SNX4: variants seen among roughly 807,000 people sequenced by gnomAD.
SNX4 encodes the protein sorting nexin-4.
In SNX4, 49 loss-of-function variants were observed where a neutral mutation model predicts 70.8. The ratio of observed to expected loss-of-function variants is 0.69; its 90% confidence interval spans 0.55 to 0.88. The LOEUF (loss-of-function observed/expected upper bound fraction) is 0.88. Ranked by LOEUF, SNX4 falls within the 40% of genes least tolerant of loss-of-function variation. The pLI, the probability that SNX4 is intolerant of heterozygous loss-of-function variation, is 0.00. For synonymous variants in SNX4, 206 were observed against 183.8 expected, an observed-to-expected ratio of 1.12 and a Z score of -0.98; for missense variants, 528 against 544.8, an observed-to-expected ratio of 0.97 and a Z score of 0.31.
chr3:125,459,781 T>C (rs1224454466), intron 10 of SNX4, among the ~76,000 whole-genome samples: 1 of 152,136 alleles, frequency 6.6e-6, no homozygotes, highest in African/African-American at 2.4e-5. Flanking sequence ...TGGTGAGACT[T>C]CCTACTACTC....
intron 7 of SNX4, among the ~76,000 whole-genome samples, chr3:125,478,720 A>T (rs1934340727): frequency 6.6e-6 from 1 of 152,026 alleles, no homozygotes; most frequent in Non-Finnish European, 1.5e-5. Context: ...ATGGAAGAAA[A>T]GAGAAGTTGC....
chr3:125,488,571 A>C (rs978774445), intron 6 of SNX4, among the ~76,000 whole-genome samples: 5 of 152,196 alleles, frequency 3.3e-5, no homozygotes, highest in Non-Finnish European at 5.9e-5. Context: ...TATATTCAAA[A>C]TTTATATGAA....
At chr3:125,501,129 T>C (rs923337817) in intron 2 of SNX4, among the ~76,000 whole-genome samples, 1 of 152,112 alleles carries the variant, frequency 6.6e-6, no homozygotes, top group African/African-American at 2.4e-5. Flanking sequence ...ATGATTGCGG[T>C]TGATGAAGGT....
At chr3:125,517,655 G>A (rs972687726) in intron 1 of SNX4, among the ~76,000 whole-genome samples, 3 of 152,196 alleles carry the variant, frequency 2.0e-5, no homozygotes, top group African/African-American at 7.2e-5. Context: ...GCCTCTTTAT[G>A]AATTACTAAA....
At chr3:125,479,492 T>G (rs961578872) in intron 7 of SNX4, among the ~76,000 whole-genome samples, 4 of 151,808 alleles carry the variant, frequency 2.6e-5, no homozygotes, top group Non-Finnish European at 5.9e-5. Flanking sequence ...GAGGTGGAGG[T>G]TGCAGTGAGC....
chr3:125,515,709 A>G (rs1394108478), intron 1 of SNX4, among the ~76,000 whole-genome samples: 1 of 150,594 alleles, frequency 6.6e-6, no homozygotes, highest in Non-Finnish European at 1.5e-5. Flanking sequence ...ACTGTGAATC[A>G]CCTTCAAAAA....
intron 6 of SNX4, among the ~76,000 whole-genome samples, chr3:125,488,235 G>C (rs983656167): frequency 6.6e-6 from 1 of 150,754 alleles, no homozygotes; most frequent in Non-Finnish European, 1.5e-5. Context: ...CAGAACTTTG[G>C]GAGGCCAAGG....
intron 6 of SNX4, among the ~76,000 whole-genome samples, chr3:125,486,444 G>A (rs529352264): frequency 5.9e-5 from 9 of 152,166 alleles, no homozygotes; most frequent in African/African-American, 1.9e-4. Context: ...TACATGAGTG[G>A]TTAGTATTGT....
At chr3:125,460,092 G>A (rs1052351752) in intron 10 of SNX4, among the ~76,000 whole-genome samples, 2 of 151,552 alleles carry the variant, frequency 1.3e-5, no homozygotes, top group Non-Finnish European at 2.9e-5. Context: ...TACTCAGGAG[G>A]CTGAGGCAGG....
intron 7 of SNX4, among the ~76,000 whole-genome samples, chr3:125,478,782 T>C (rs1934342325): frequency 6.6e-6 from 1 of 150,918 alleles, no homozygotes; most frequent in Non-Finnish European, 1.5e-5. Flanking sequence ...GAGGGTACGA[T>C]GCAGACTCTC....
chr3:125,503,047 G>C (rs980866538), intron 2 of SNX4, among the ~76,000 whole-genome samples: 3 of 151,550 alleles, frequency 2.0e-5, no homozygotes, highest in Non-Finnish European at 2.9e-5. Context: ...AGCCTCCCGA[G>C]TAGCTGGGAC....
intron 1 of SNX4, chr3:125,517,130 C>T (rs1034239769): frequency 2.0e-5 from 3 of 152,074 alleles, no homozygotes; most frequent in African/African-American, 7.2e-5. Flanking sequence ...CTTTAAAATT[C>T]AGTATTGAAA....
rs1351783895 is a variant in SNX4, at chr3:125,480,283, C to T, written c.690G>A (p.Leu230=). 1.9e-6 allele frequency: 3 copies of T among 1,572,212 alleles called. No individual in the cohort carries two copies. Among genetic ancestry groups the T allele is most frequent in the Non-Finnish European group, 1.7e-6 (2 of 1,156,910 alleles). Residue 230 remains leucine, a synonymous_variant, in exon 7 of 14, where the codon CTG becomes CTA. Transcript: ENST00000251775. ...GAAGAAGATGTGAGATGACAGACTG[C>T]AGTTCATCACTATAGTGCTTAAGGT... ...FTDLKHYSDE[L]QSVISHLLRV...
chr3:125,515,664 CAAA>C (rs3030895), intron 1 of SNX4, among the ~76,000 whole-genome samples: 122 of 102,418 alleles, frequency 1.2e-3, no homozygotes, highest in Non-Finnish European at 1.3e-3. Flanking sequence ...GACTTGGCCT[CAAA>C]AAAAAAAAAA....
In SNX4 at chr3:125,447,517, C is replaced by A. The variant is rs977118127; in HGVS notation, c.*262G>T. The A allele has an allele frequency of 8.3e-5, 25 of 302,118 alleles. No homozygotes were observed. The Admixed American group carries it at 1.0e-3, about 12-fold the overall frequency. 18.7% of individuals were successfully genotyped at this position (302,118 alleles called of 1,614,324 possible). A position where few individuals can be genotyped will look rare whatever the true frequency, so the allele number is the denominator to read the frequency against. The stretch of plus-strand genomic sequence containing the variant: ...TTCAGTCATTGGTTCAGAAGCGTGA[C>A]AAACAATCTGTTGGTATATATTATT... On this transcript the variant is annotated 3_prime_UTR_variant, in exon 14 of 14. Coordinates refer to ENST00000251775, the MANE Select transcript of SNX4 (RefSeq NM_003794.4).
intron 1 of SNX4, among the ~76,000 whole-genome samples, chr3:125,506,524 T>TTC (rs1348129557): frequency 5.3e-5 from 8 of 150,550 alleles, no homozygotes; most frequent in African/African-American, 1.7e-4. Context: ...TTTTTTTTTT[T>TTC]CTGAGACAGT....
At chr3:125,467,274 C>G (rs1934050365) in intron 9 of SNX4, among the ~76,000 whole-genome samples, 1 of 151,842 alleles carries the variant, frequency 6.6e-6, no homozygotes, top group South Asian at 2.1e-4. Flanking sequence ...GTAATCCCAG[C>G]TACTCGGGAG....
At chr3:125,475,982 A>G (rs948993170) in intron 8 of SNX4, among the ~76,000 whole-genome samples, 1 of 151,738 alleles carries the variant, frequency 6.6e-6, no homozygotes, top group African/African-American at 2.4e-5. Context: ...CTGTATTAAA[A>G]AAAAAACCGG....
At chr3:125,469,769 T>C (rs1934120861) in intron 8 of SNX4, among the ~76,000 whole-genome samples, 1 of 152,238 alleles carries the variant, frequency 6.6e-6, no homozygotes, top group South Asian at 2.1e-4. Context: ...CAGCTTCTGG[T>C]TATAGATTAC....
Sources: allele counts gnomAD v4.1 joint callset (sites outside exome capture counted in the v4.1 genomes callset), GRCh38; gene constraint gnomAD v4.1.1; transcripts MANE v1.5; gene names NCBI Gene and HGNC (gene_info 2026-07-23, HGNC 2026-07-21).